Variants in UBE4B observed in about 807,000 individuals in gnomAD.
The protein encoded by UBE4B is ubiquitin conjugation factor E4 B.
Under a neutral mutation model 148.1 loss-of-function variants are expected in UBE4B, and 27 were observed. The observed-to-expected ratio is 0.18, with a 90% confidence interval of 0.13 to 0.25. The LOEUF (loss-of-function observed/expected upper bound fraction) is 0.25, where lower values mean the gene tolerates loss of function less well. Among genes scored for constraint, UBE4B ranks in the 10% least tolerant of loss-of-function variants. The pLI is 1.00. For synonymous variants in UBE4B, 596 were observed against 619.3 expected (o/e 0.96, Z 0.56); for missense variants, 1,170 against 1,662.4 (o/e 0.70, Z 5.15).
Position 10,091,494 on chromosome 1 carries a change from G to T in UBE4B, c.212-3967G>T, listed in dbSNP as rs148011024. ...AAAGACCCATCTGTTGCCCATGCTG[G>T]AGTGCAGTGGTATGATTATAGCCCA... On this transcript the variant is annotated intron_variant, in intron 2 of 27. Transcript: ENST00000343090. Among the ~76,000 whole-genome samples the T allele has an allele frequency of 1.4e-3, 210 of 152,168 alleles. 3 individuals carry two copies. The East Asian group carries it at 0.04, about 29-fold the overall frequency.
At chr1:10,158,301 G>A in intron 21 of UBE4B, 55 bp from the exon 22 acceptor site, 1 of 1,589,074 alleles carries the variant, frequency 6.3e-7, no homozygotes. Context: ...GCAATAACTG[G>A]ATTTGGAAAG....
chr1:10,103,630 T>C (rs1218402782), intron 5 of UBE4B, among the ~76,000 whole-genome samples: 3 of 148,792 alleles, frequency 2.0e-5, no homozygotes, highest in Non-Finnish European at 3.0e-5. Flanking sequence ...TGTTTTGTTT[T>C]TGTTTTTTTT....
At chr1:10,074,086 G>C (rs1436159435) in intron 2 of UBE4B, among the ~76,000 whole-genome samples, 1 of 152,086 alleles carries the variant, frequency 6.6e-6, no homozygotes, top group East Asian at 1.9e-4. Context: ...CTATAGGCAT[G>C]TGCCACCACA....
intron 2 of UBE4B, among the ~76,000 whole-genome samples, chr1:10,074,514 C>G (rs891037161): frequency 6.6e-6 from 1 of 152,206 alleles, no homozygotes; most frequent in Admixed American, 6.5e-5. Context: ...CCATCCCCTT[C>G]TGCCCTTGCA....
chr1:10,134,640 A>T (rs1466621163), intron 15 of UBE4B, among the ~76,000 whole-genome samples: 1 of 152,180 alleles, frequency 6.6e-6, no homozygotes, highest in East Asian at 1.9e-4. Flanking sequence ...TGGTGATGAG[A>T]TATATGTCTT....
At chr1:10,110,932 G>A (rs1351212901) in intron 7 of UBE4B, among the ~76,000 whole-genome samples, 1 of 151,690 alleles carries the variant, frequency 6.6e-6, no homozygotes, top group Non-Finnish European at 1.5e-5. Flanking sequence ...CGAGTTAGAG[G>A]CTGCAGTGAG....
At chr1:10,047,139 ATTG>A (rs1643928705) in intron 1 of UBE4B, among the ~76,000 whole-genome samples, 1 of 152,152 alleles carries the variant, frequency 6.6e-6, no homozygotes, top group Non-Finnish European at 1.5e-5. Flanking sequence ...GCATATTTGT[ATTG>A]TTAAGGTTGA....
chr1:10,043,679 C>T (rs1433689603), intron 1 of UBE4B, among the ~76,000 whole-genome samples: 1 of 152,120 alleles, frequency 6.6e-6, no homozygotes, highest in African/African-American at 2.4e-5. Flanking sequence ...CCACCCGCCT[C>T]AGCCTCCCAA....
In UBE4B at chr1:10,151,782, C is replaced by G. The variant is rs3818158; in HGVS notation, c.2926+221C>G. ...CACCTACTGGTCTCTGATGATTCAG[C>G]AGGAACTACTGAAAGTCAGATGATT... On this transcript the variant is annotated intron_variant, in intron 21 of 27. Transcript: ENST00000343090. Among the ~76,000 whole-genome samples, 239 of 152,192 alleles carry G rather than the reference C, an allele frequency of 1.6e-3. 2 individuals are homozygous for G. In the East Asian group the frequency reaches 0.04, roughly 25 times the overall value.
intron 3 of UBE4B, 107 bp from the exon 4 acceptor site, chr1:10,101,001 C>T: frequency 1.1e-6 from 1 of 930,340 alleles, no homozygotes; most frequent in Non-Finnish European, 1.6e-6. Flanking sequence ...TATCATTTTC[C>T]TTTCCTGATT....
Position 10,175,647 on chromosome 1 carries a change from T to C in UBE4B, c.3526-2997T>C, listed in dbSNP as rs571957407. ...GCCTGGGCGACAGAGCGAGACTCCG[T>C]CTCAAATAAATAAATAAATAAATAA... On this transcript the variant is annotated intron_variant, in intron 25 of 27. Coordinates refer to ENST00000343090, the MANE Select transcript of UBE4B (RefSeq NM_001105562.3). Among the ~76,000 whole-genome samples the C allele has an allele frequency of 2.2e-4, 33 of 151,474 alleles. 2 individuals carry two copies. The highest frequency in any genetic ancestry group is 1.0e-3 in the South Asian group (5 of 4,802).
chr1:10,092,366 A>G (rs978010114), intron 2 of UBE4B, among the ~76,000 whole-genome samples: 3 of 152,082 alleles, frequency 2.0e-5, no homozygotes, highest in Non-Finnish European at 4.4e-5. Flanking sequence ...CTGGGACTAC[A>G]GGTGCATGCC....
Position 10,109,517 on chromosome 1 carries a change from T to G in UBE4B, c.1196+2934T>G, listed in dbSNP as rs564552821. On this transcript the variant is annotated intron_variant, in intron 7 of 27. Transcript: ENST00000343090. ...TGTGATCATCCAGATTTTGGCAGCTTATAGGTTCTTAGTTGATATAAAAAA... is the reference window on the plus strand; with the variant it reads ...TGTGATCATCCAGATTTTGGCAGCTGATAGGTTCTTAGTTGATATAAAAAA... 6.6e-5 allele frequency among the ~76,000 whole-genome samples: 10 copies of G among 152,280 alleles called. No individual in the cohort carries two copies. The South Asian group carries it at 2.1e-3, about 32-fold the overall frequency.
At chr1:10,119,409 G>A (rs1645374444) in intron 8 of UBE4B, 104 bp from the exon 9 acceptor site, 9 of 1,096,788 alleles carry the variant, frequency 8.2e-6, no homozygotes, top group Admixed American at 3.8e-5. Context: ...GAAGAGGAAA[G>A]CACGCTGTTT....
intron 1 of UBE4B, among the ~76,000 whole-genome samples, chr1:10,066,701 T>G (rs1644393544): frequency 6.6e-6 from 1 of 150,916 alleles, no homozygotes; most frequent in Non-Finnish European, 1.5e-5. Flanking sequence ...AGGTCAGGAG[T>G]TTGAGACCAG....
chr1:10,114,967 G>A (rs1645283239), intron 7 of UBE4B, among the ~76,000 whole-genome samples: 1 of 152,102 alleles, frequency 6.6e-6, no homozygotes, highest in Non-Finnish European at 1.5e-5. Context: ...AGGTGGCTTA[G>A]TTACCTACTC....
At chr1:10,041,465 G>A (rs1011264020) in intron 1 of UBE4B, among the ~76,000 whole-genome samples, 16 of 151,242 alleles carry the variant, frequency 1.1e-4, no homozygotes, top group Non-Finnish European at 2.4e-4. Flanking sequence ...CTCCCAAGTA[G>A]CTTTGATTAC....
At chr1:10,117,249 C>T (rs1484280822) in intron 7 of UBE4B, among the ~76,000 whole-genome samples, 1 of 152,142 alleles carries the variant, frequency 6.6e-6, no homozygotes, top group African/African-American at 2.4e-5. Flanking sequence ...AAGAAGCAGC[C>T]CTTCTTAGGT....
chr1:10,116,271 T>G (rs1645307444), intron 7 of UBE4B, among the ~76,000 whole-genome samples: 1 of 152,136 alleles, frequency 6.6e-6, no homozygotes, highest in Admixed American at 6.5e-5. Flanking sequence ...GCCTCCTGAG[T>G]GGCTGGGATT....
Sources: allele counts gnomAD v4.1 joint callset (sites outside exome capture counted in the v4.1 genomes callset), GRCh38; gene constraint gnomAD v4.1.1; transcripts MANE v1.5; gene names NCBI Gene and HGNC (gene_info 2026-07-23, HGNC 2026-07-21).